The following PCDH15 variants were observed in gnomAD, a reference collection of about 807,000 sequenced individuals.
The protein encoded by PCDH15 is protocadherin related 15.
Under a neutral mutation model 178.5 loss-of-function variants are expected in PCDH15, and 129 were observed. The ratio of observed to expected loss-of-function variants is 0.72; its 90% CI spans 0.63 to 0.84. The LOEUF (loss-of-function observed/expected upper bound fraction) is 0.84. PCDH15 is among the 40% of genes least tolerant of loss of function. PCDH15 has a pLI of 0.00. For synonymous variants in PCDH15, 800 were observed against 732.0 expected, an observed-to-expected ratio of 1.09 and a Z score of -1.50; for missense variants, 2,230 against 2,099.9, an observed-to-expected ratio of 1.06 and a Z score of -1.21.
At chr10:54,748,878 G>A (rs1945818987) in intron 1 of PCDH15, among the ~76,000 whole-genome samples, 1 of 152,262 alleles carries the variant, frequency 6.6e-6, no homozygotes, top group East Asian at 1.9e-4. Context: ...CAGATAAGAC[G>A]CGTTGCTCCC....
chr10:53,913,153 C>G (rs969945693), intron 25 of PCDH15, among the ~76,000 whole-genome samples: 6 of 152,142 alleles, frequency 3.9e-5, no homozygotes, highest in Non-Finnish European at 8.8e-5. Flanking sequence ...CTACAACCAT[C>G]TTATCTTTGA....
chr10:54,543,129 A>C (rs544247434), intron 2 of PCDH15, among the ~76,000 whole-genome samples: 1 of 132,258 alleles, frequency 7.6e-6, no homozygotes, highest in East Asian at 4.0e-4. Flanking sequence ...CGAATGGCCC[A>C]CTCCAAGGGA....
chr10:54,629,355 T>A (rs932258305), intron 2 of PCDH15, among the ~76,000 whole-genome samples: 3 of 152,134 alleles, frequency 2.0e-5, no homozygotes, highest in Non-Finnish European at 2.9e-5. Flanking sequence ...AGCAAAATGT[T>A]ATTTGACAGA....
intron 1 of PCDH15, among the ~76,000 whole-genome samples, chr10:54,742,255 C>T (rs940220608): frequency 6.6e-6 from 1 of 151,924 alleles, no homozygotes; most frequent in Non-Finnish European, 1.5e-5. Context: ...GAGACTTTTC[C>T]AAATTATGAA....
At chr10:55,402,092 GACCCA>G (rs751384262) in intron 2 of PCDH15, among the ~76,000 whole-genome samples, 4,019 of 152,058 alleles carry the variant, frequency 0.026, 81 homozygotes, top group East Asian at 0.068. Flanking sequence ...ACACCTGAGT[GACCCA>G]TGGTGTTTCA....
upstream of PCDH15, among the ~76,000 whole-genome samples, chr10:55,321,168 T>A (rs1843889716): frequency 6.6e-6 from 1 of 152,042 alleles, no homozygotes; most frequent in South Asian, 2.1e-4. Flanking sequence ...ACTACTCTGA[T>A]AGAGTTGAAA....
intron 2 of PCDH15, among the ~76,000 whole-genome samples, chr10:55,048,558 T>G (rs1332302081): frequency 1.3e-5 from 2 of 151,954 alleles, no homozygotes; most frequent in Non-Finnish European, 2.9e-5. Context: ...ATATCTTAAT[T>G]GCATCTTGTG....
At chr10:54,905,521 A>T (rs952853282) in intron 2 of PCDH15, among the ~76,000 whole-genome samples, 10 of 152,094 alleles carry the variant, frequency 6.6e-5, no homozygotes, top group African/African-American at 1.9e-4. Context: ...TAATTATTTG[A>T]TCTCTTTATC....
At chr10:55,519,285 TAA>T (rs34476517) in intron 2 of PCDH15, among the ~76,000 whole-genome samples, 4 of 134,166 alleles carry the variant, frequency 3.0e-5, no homozygotes, top group African/African-American at 5.6e-5. Flanking sequence ...ATGCTGAGTG[TAA>T]AAAAAAAAAA....
rs572597690 is a variant in PCDH15, at chr10:54,128,122, T to A, written c.1917+4753A>T. ...TATTGAGGTTGTTCTAGGATTACTGTGCTAGAGGAAGGACCCCCAATAAAT... is the reference window on the plus strand; with the variant it reads ...TATTGAGGTTGTTCTAGGATTACTGAGCTAGAGGAAGGACCCCCAATAAAT... On this transcript the variant is annotated intron_variant, in intron 15 of 37. Transcript: ENST00000644397. Among the ~76,000 whole-genome samples, 4 of 152,162 alleles carry A rather than the reference T, an allele frequency of 2.6e-5. No homozygotes were observed. The South Asian group carries it at 6.2e-4, about 24-fold the overall frequency.
intron 2 of PCDH15, among the ~76,000 whole-genome samples, chr10:55,515,341 T>G (rs891813382): frequency 3.3e-5 from 5 of 152,044 alleles, no homozygotes; most frequent in Non-Finnish European, 5.9e-5. Context: ...AAAAGGCTAC[T>G]AAATACCCCT....
At chr10:55,258,468 C>G (rs980892825) in intron 1 of PCDH15, among the ~76,000 whole-genome samples, 6 of 152,076 alleles carry the variant, frequency 3.9e-5, no homozygotes, top group Non-Finnish European at 5.9e-5. Flanking sequence ...TCCAAGTGTA[C>G]TTTTCTTTCT....
intron 20 of PCDH15, among the ~76,000 whole-genome samples, chr10:54,011,608 G>C (rs1445125892): frequency 6.6e-6 from 1 of 152,198 alleles, no homozygotes; most frequent in African/African-American, 2.4e-5. Context: ...AGAGGAGACT[G>C]ACGAAGAGTC....
intron 25 of PCDH15, among the ~76,000 whole-genome samples, chr10:53,937,988 T>C (rs2085724329): frequency 6.6e-6 from 1 of 152,200 alleles, no homozygotes; most frequent in East Asian, 1.9e-4. Flanking sequence ...CTGGATTATC[T>C]TGAGTCTTCT....
chr10:55,505,155 T>C (rs76266846), intron 2 of PCDH15, among the ~76,000 whole-genome samples: 3,174 of 151,474 alleles, frequency 0.021, 118 homozygotes, highest in African/African-American at 0.072. Flanking sequence ...TGAATACTTA[T>C]ACAAAAATCT....
intron 25 of PCDH15, among the ~76,000 whole-genome samples, chr10:53,910,317 C>T (rs1454798944): frequency 1.3e-5 from 2 of 152,110 alleles, no homozygotes; most frequent in African/African-American, 4.8e-5. Flanking sequence ...GAAGAAGGAC[C>T]AGGCAGCAAT....
At chr10:54,772,642 AG>A (rs1404200327) in intron 1 of PCDH15, among the ~76,000 whole-genome samples, 1 of 152,164 alleles carries the variant, frequency 6.6e-6, no homozygotes, top group Non-Finnish European at 1.5e-5. Flanking sequence ...TGTGGAGGAA[AG>A]GGAAAGCTTT....
intron 7 of PCDH15, among the ~76,000 whole-genome samples, chr10:54,326,667 TTGAACTCAGG>T (rs1938183652): frequency 6.6e-6 from 1 of 152,056 alleles, no homozygotes; most frequent in South Asian, 2.1e-4. Flanking sequence ...GAACTGAGAT[TTGAACTCAGG>T]TGACATAATT....
intron 1 of PCDH15, among the ~76,000 whole-genome samples, chr10:55,180,455 AG>A (rs1182259809): frequency 6.6e-6 from 1 of 152,140 alleles, no homozygotes; most frequent in Non-Finnish European, 1.5e-5. Context: ...TTATTGTAAA[AG>A]GGGAAATAGT....
Sources: allele counts gnomAD v4.1 joint callset (sites outside exome capture counted in the v4.1 genomes callset), GRCh38; gene constraint gnomAD v4.1.1; transcripts MANE v1.5; gene names NCBI Gene and HGNC (gene_info 2026-07-23, HGNC 2026-07-21).